ARID1A: variants seen among roughly 807,000 people sequenced by gnomAD.
ARID1A encodes AT-rich interactive domain-containing protein 1A.
In ARID1A, 20 loss-of-function variants were observed where a neutral mutation model predicts 212.6. The ratio of observed to expected loss-of-function variants is 0.09; its 90% confidence interval spans 0.07 to 0.14. ARID1A has a LOEUF of 0.14. Ranked by LOEUF, ARID1A falls within the 10% of genes least tolerant of loss-of-function variation. ARID1A has a pLI of 1.00. For synonymous variants in ARID1A, 1,376 were observed against 1,222.1 expected (o/e 1.13, Z -2.63); for missense variants, 2,587 against 3,059.0 (o/e 0.85, Z 3.64).
At position 26,696,853 on chromosome 1, in the gene ARID1A, C is replaced by T. The variant is rs946346008; in HGVS notation, c.450C>T (p.Phe150=). Reference sequence around the variant, plus strand: ...CCTTGCCGCCCCCAGCCTACGGCTTCGGGCAACCCTACGGCCGGAGCCCGT... The same window carrying T: ...CCTTGCCGCCCCCAGCCTACGGCTTTGGGCAACCCTACGGCCGGAGCCCGT... The part of the protein sequence containing the change: ...AAALPPPAYG[F]GQPYGRSPSA... The change falls in exon 1 of 20, where the codon TTC becomes TTT. Residue 150 remains phenylalanine (F), a synonymous_variant. Transcript: ENST00000324856. The T allele has an allele frequency of 1.5e-6, 2 of 1,343,090 alleles. No homozygotes were observed. The highest frequency in any genetic ancestry group is 1.9e-6 in the Non-Finnish European group (2 of 1,048,498). 83.2% of individuals were successfully genotyped at this position (1,343,090 alleles called of 1,614,324 possible).
intron 1 of ARID1A, among the ~76,000 whole-genome samples, chr1:26,728,717 G>A (rs1247596451): frequency 6.6e-6 from 1 of 152,294 alleles, no homozygotes; most frequent in Middle Eastern, 3.4e-3. Flanking sequence ...TCCATCTTGT[G>A]TGTGTCTTAA....
chr1:26,746,813 A>G (rs937597668), intron 4 of ARID1A, among the ~76,000 whole-genome samples: 10 of 152,178 alleles, frequency 6.6e-5, no homozygotes, highest in South Asian at 2.1e-4. Context: ...AAGGCGGGCA[A>G]ATCACCTGAG....
chr1:26,745,738 C>A (rs1435727414), intron 4 of ARID1A, among the ~76,000 whole-genome samples: 1 of 152,150 alleles, frequency 6.6e-6, no homozygotes, highest in African/African-American at 2.4e-5. Flanking sequence ...AACTCCTGTA[C>A]AAGACCAGCA....
chr1:26,760,747 T>G (rs2124052577), intron 4 of ARID1A, 109 bp from the exon 5 acceptor site: 1 of 1,207,934 alleles, frequency 8.3e-7, no homozygotes, highest in Admixed American at 2.3e-5. Context: ...GTGTGTGATG[T>G]ATTTGCTCTT....
At chr1:26,735,266 C>CT (rs1354554172) in intron 4 of ARID1A, among the ~76,000 whole-genome samples, 21 of 151,786 alleles carry the variant, frequency 1.4e-4, no homozygotes, top group African/African-American at 4.8e-4. Flanking sequence ...GCTGGGTTTA[C>CT]AGGTGCTCGC....
chr1:26,774,062 C>A lies in ARID1A; in HGVS notation c.4101+164C>A. 1 of 1,089,050 alleles carries A rather than the reference C, an allele frequency of 9.2e-7. No individual in the cohort carries two copies. The highest frequency in any genetic ancestry group is 1.3e-6 in the Non-Finnish European group (1 of 767,680). 67.5% of individuals were successfully genotyped at this position (1,089,050 alleles called of 1,614,324 possible). On this transcript the variant is annotated intron_variant, in intron 17 of 19. Coordinates refer to ENST00000324856, the MANE Select transcript of ARID1A (RefSeq NM_006015.6). The surrounding 1 kb of genome is among the most constrained non-coding windows in gnomAD (Gnocchi z 5.6). ...GCCTGAAGAGCCACGTCCTCAATCT[C>A]TTCTCTATTTGGAGTTGGAAGGGGC...
At chr1:26,717,396 G>GA (rs1472307872) in intron 1 of ARID1A, among the ~76,000 whole-genome samples, 1 of 152,186 alleles carries the variant, frequency 6.6e-6, no homozygotes, top group Non-Finnish European at 1.5e-5. Flanking sequence ...TTTAATCCCT[G>GA]TTTACAGATG....
At chr1:26,742,854 C>T (rs2080801026) in intron 4 of ARID1A, among the ~76,000 whole-genome samples, 1 of 152,102 alleles carries the variant, frequency 6.6e-6, no homozygotes, top group South Asian at 2.1e-4. Context: ...CCTGTGATCC[C>T]AGCTACTCAG....
chr1:26,733,076 G>A (rs2080696102), intron 4 of ARID1A, among the ~76,000 whole-genome samples: 1 of 152,124 alleles, frequency 6.6e-6, no homozygotes, highest in South Asian at 2.1e-4. Flanking sequence ...AGCACTGTCT[G>A]CTCTCCATCA....
intron 1 of ARID1A, among the ~76,000 whole-genome samples, chr1:26,714,469 A>G (rs2080482898): frequency 6.6e-6 from 1 of 152,082 alleles, no homozygotes; most frequent in Non-Finnish European, 1.5e-5. Flanking sequence ...GCTGGAGTGT[A>G]GTGGCGCAAT....
In ARID1A at chr1:26,766,459, A is replaced by C. The variant is rs201899604; in HGVS notation, c.2881A>C (p.Met961Leu). Residue 961 changes from methionine to leucine, a missense_variant and splice_region_variant, in exon 10 of 20, where the codon ATG (methionine) becomes CTG (leucine). Coordinates refer to ENST00000324856, the MANE Select transcript of ARID1A (RefSeq NM_006015.6). ...GGTMANNSAG[M>L]AASPEMMGLG... is the part of the protein sequence containing the mutation. ...GAGAATTTTTTTCTCTTTTACAGGG[A>C]TGGCAGCCAGCCCAGAGATGATGGG... The C allele has an allele frequency of 3.1e-6, 5 of 1,614,052 alleles. No homozygotes were observed. The Admixed American group carries it at 6.7e-5, about 22-fold the overall frequency.
At chr1:26,755,329 T>C (rs2080919379) in intron 4 of ARID1A, among the ~76,000 whole-genome samples, 1 of 152,194 alleles carries the variant, frequency 6.6e-6, no homozygotes, top group South Asian at 2.1e-4. Context: ...CTAATGAAAA[T>C]GACAGTTTGA....
rs373710065 is a variant in ARID1A, at chr1:26,700,030, C to T, written c.1137+2490C>T. Among the ~76,000 whole-genome samples the T allele has an allele frequency of 1.2e-4, 18 of 152,238 alleles. No homozygotes were observed. In the East Asian group the frequency reaches 3.3e-3, roughly 28 times the overall value. ...TCACTAGACCCACACAACATAGATT[C>T]CTAATTAATTTCAGCTCAGTTGTCT... On this transcript the variant is annotated intron_variant, in intron 1 of 19. Coordinates refer to ENST00000324856, the MANE Select transcript of ARID1A (RefSeq NM_006015.6).
Position 26,696,643 on chromosome 1 carries a change from T to C in ARID1A, c.240T>C (p.Asn80=). 7.7e-7 allele frequency: 1 copy of C among 1,299,226 alleles called. No homozygotes were observed. Among genetic ancestry groups the C allele is most frequent in the Non-Finnish European group, 9.7e-7 (1 of 1,028,836 alleles). 80.5% of individuals were successfully genotyped at this position (1,299,226 alleles called of 1,614,324 possible). ...GKELQDGAES[N]GGGGGGGAGS... ...AGCTGCAGGACGGGGCCGAGAGCAA[T>C]GGGGGTGGCGGCGGCGGCGGAGCCG... Residue 80 remains asparagine (N), a synonymous_variant, in exon 1 of 20, where the codon AAT becomes AAC. Transcript: ENST00000324856.
chr1:26,716,574 T>C (rs1298864443), intron 1 of ARID1A, among the ~76,000 whole-genome samples: 7 of 152,296 alleles, frequency 4.6e-5, no homozygotes, highest in African/African-American at 1.4e-4. Flanking sequence ...AAGTTATCCA[T>C]TGAGGCATGC....
Position 26,779,740 on chromosome 1 carries a change from A to G in ARID1A, c.5842A>G (p.Ser1948Gly), listed in dbSNP as rs2124143313. The G allele has an allele frequency of 1.2e-6, 2 of 1,614,092 alleles. No individual in the cohort carries two copies. Among genetic ancestry groups the G allele is most frequent in the Non-Finnish European group, 1.7e-6 (2 of 1,180,004 alleles). The part of the protein sequence containing the change: ...KFPFGISPAQ[S>G]HRNIKILEDE... The stretch of plus-strand genomic sequence containing the variant: ...TCCATTTGGCATTAGCCCAGCACAG[A>G]GCCACCGGAACATCAAGATCCTAGA... Residue 1948 changes from serine (S) to glycine (G), a missense_variant, in exon 20 of 20, where the codon AGC (serine) becomes GGC (glycine). Physicochemically the swap from Ser to Gly is moderately conservative, Grantham distance 56 (BLOSUM62 0). Around this residue, in one of 11 missense-constraint regions of ARID1A, gnomAD observed 890 missense variants for 1,098.2 expected, o/e 0.81. Coordinates refer to ENST00000324856, the MANE Select transcript of ARID1A (RefSeq NM_006015.6).
At chr1:26,719,667 A>G (rs2080541063) in intron 1 of ARID1A, among the ~76,000 whole-genome samples, 2 of 151,674 alleles carry the variant, frequency 1.3e-5, no homozygotes, top group East Asian at 3.9e-4. Context: ...GAGGCCGGGC[A>G]CAGTGGCTCA....
Position 26,781,193 on chromosome 1 carries a change from T to A in ARID1A, c.*437T>A. The A allele has an allele frequency of 4.2e-6, 1 of 239,262 alleles. No individual in the cohort carries two copies. 14.8% of individuals were successfully genotyped at this position (239,262 alleles called of 1,614,324 possible). ...AAAAAAAAAATACAAAAAAAAATTCTGAAGGACAAAAAAGGTGACTGCTGA... is the reference window on the plus strand; with the variant it reads ...AAAAAAAAAATACAAAAAAAAATTCAGAAGGACAAAAAAGGTGACTGCTGA... On this transcript the variant is annotated 3_prime_UTR_variant, in exon 20 of 20. Transcript: ENST00000324856.
At chr1:26,752,734 T>G (rs2080895725) in intron 4 of ARID1A, among the ~76,000 whole-genome samples, 1 of 152,216 alleles carries the variant, frequency 6.6e-6, no homozygotes, top group African/African-American at 2.4e-5. Flanking sequence ...GATAAGGGAC[T>G]GACAAATTAC....
Sources: allele counts gnomAD v4.1 joint callset (sites outside exome capture counted in the v4.1 genomes callset), GRCh38; gene constraint gnomAD v4.1.1; regional missense constraint gnomAD v4.1.1; non-coding constraint Gnocchi (gnomAD v3.1); transcripts MANE v1.5; gene names NCBI Gene and HGNC (gene_info 2026-07-23, HGNC 2026-07-21).